Variants in ARHGAP15 observed in about 807,000 individuals in gnomAD.
ARHGAP15 encodes Rho GTPase activating protein 15.
ARHGAP15 carries 51 observed loss-of-function variants against 63.7 expected under a neutral mutation model. The ratio of observed to expected loss-of-function variants is 0.80; its 90% confidence interval spans 0.64 to 1.01. The LOEUF is 1.01. ARHGAP15 is among the 50% of genes least tolerant of loss of function. ARHGAP15 has a pLI of 0.00. For synonymous variants in ARHGAP15, 191 were observed against 193.8 expected, an observed-to-expected ratio of 0.99 and a Z score of 0.12; for missense variants, 560 against 564.6, an observed-to-expected ratio of 0.99 and a Z score of 0.08.
At chr2:143,628,701 G>A (rs1698941449) in intron 12 of ARHGAP15, among the ~76,000 whole-genome samples, 1 of 152,000 alleles carries the variant, frequency 6.6e-6, no homozygotes, top group Non-Finnish European at 1.5e-5. Context: ...CTACTTTCTT[G>A]GTTACTCCAC....
At chr2:143,502,790 G>A in intron 9 of ARHGAP15, among the ~76,000 whole-genome samples, 1 of 152,116 alleles carries the variant, frequency 6.6e-6, no homozygotes, top group East Asian at 1.9e-4. Context: ...ATGTTGGCCA[G>A]GCTGGTCTCG....
intron 11 of ARHGAP15, among the ~76,000 whole-genome samples, chr2:143,574,181 T>A (rs1408011767): frequency 1.3e-5 from 2 of 152,056 alleles, no homozygotes; most frequent in Non-Finnish European, 2.9e-5. Context: ...CTCACACACA[T>A]CCCTTAGAGT....
chr2:143,344,440 G>T (rs1002655001), intron 6 of ARHGAP15, among the ~76,000 whole-genome samples: 1 of 151,986 alleles, frequency 6.6e-6, no homozygotes, highest in African/African-American at 2.4e-5. Context: ...TAAAAGTTTA[G>T]GTAGCAGTAT....
chr2:143,585,165 G>A (rs1395178632), intron 11 of ARHGAP15, among the ~76,000 whole-genome samples: 1 of 152,100 alleles, frequency 6.6e-6, no homozygotes, highest in Non-Finnish European at 1.5e-5. Flanking sequence ...GATTTTCTCA[G>A]CTCCATGCCG....
intron 8 of ARHGAP15, among the ~76,000 whole-genome samples, chr2:143,479,914 A>G (rs906628050): frequency 6.6e-6 from 1 of 152,056 alleles, no homozygotes; most frequent in Non-Finnish European, 1.5e-5. Flanking sequence ...ATAAAAGGAA[A>G]CCAGATAAAT....
intron 6 of ARHGAP15, among the ~76,000 whole-genome samples, chr2:143,285,635 AAAG>A (rs1682057048): frequency 6.6e-6 from 1 of 152,174 alleles, no homozygotes; most frequent in Non-Finnish European, 1.5e-5. Context: ...TATTTTGTGA[AAAG>A]AGGATACATA....
chr2:143,385,913 C>T (rs1687269322), intron 6 of ARHGAP15, among the ~76,000 whole-genome samples: 1 of 152,116 alleles, frequency 6.6e-6, no homozygotes, highest in South Asian at 2.1e-4. Flanking sequence ...AAAAGGCCAT[C>T]TCAGACTCTA....
intron 6 of ARHGAP15, among the ~76,000 whole-genome samples, chr2:143,420,616 C>G (rs1262729163): frequency 6.6e-6 from 1 of 152,082 alleles, no homozygotes. Context: ...GGTAATTTAC[C>G]AAGAAGTCTT....
intron 6 of ARHGAP15, among the ~76,000 whole-genome samples, chr2:143,382,100 CCCTTTCCTTCCTT>C: frequency 3.7e-5 from 1 of 26,944 alleles, no homozygotes; most frequent in African/African-American, 2.3e-4. Context: ...CTTCCTCCCT[CCCTTTCCTTCCTT>C]CCTCCCTCCC....
chr2:143,231,958 G>T (rs192339970), intron 5 of ARHGAP15, among the ~76,000 whole-genome samples: 10 of 152,250 alleles, frequency 6.6e-5, no homozygotes, highest in African/African-American at 2.2e-4. Context: ...ACCTCCCAAA[G>T]GCCCTACCTC....
At chr2:143,457,409 G>A (rs1690711574) in intron 8 of ARHGAP15, among the ~76,000 whole-genome samples, 1 of 151,866 alleles carries the variant, frequency 6.6e-6, no homozygotes, top group Admixed American at 6.6e-5. Context: ...AGCTGGACAT[G>A]GTAGCATGCA....
intron 9 of ARHGAP15, chr2:143,519,050 G>A (rs1363189044): frequency 2.5e-6 from 1 of 398,698 alleles, no homozygotes; most frequent in Non-Finnish European, 4.7e-6. Context: ...ATCGATGCCT[G>A]AGCGTCAGTT....
chr2:143,361,632 G>A (rs529064149), intron 6 of ARHGAP15, among the ~76,000 whole-genome samples: 1 of 152,016 alleles, frequency 6.6e-6, no homozygotes, highest in East Asian at 1.9e-4. Flanking sequence ...TAAAAATAGT[G>A]TCCATCTTTA....
intron 2 of ARHGAP15, among the ~76,000 whole-genome samples, chr2:143,168,223 G>A (rs895414454): frequency 6.6e-6 from 1 of 151,972 alleles, no homozygotes; most frequent in South Asian, 2.1e-4. Context: ...GAGGGTAGTG[G>A]TGCAGTGGCA....
At chr2:143,160,297 ATC>A (rs1322354868) in intron 2 of ARHGAP15, among the ~76,000 whole-genome samples, 1 of 151,960 alleles carries the variant, frequency 6.6e-6, no homozygotes, top group Non-Finnish European at 1.5e-5. Context: ...CTTCAGTTAA[ATC>A]TCTCTTATCT....
At chr2:143,309,174 C>T (rs551533928) in intron 6 of ARHGAP15, among the ~76,000 whole-genome samples, 104 of 152,116 alleles carry the variant, frequency 6.8e-4, no homozygotes, top group Non-Finnish European at 1.1e-3. Context: ...TGGAATCAAC[C>T]TTTTCCCTTC....
intron 3 of ARHGAP15, among the ~76,000 whole-genome samples, chr2:143,202,893 G>A (rs904712531): frequency 2.6e-5 from 4 of 151,964 alleles, no homozygotes; most frequent in African/African-American, 9.7e-5. Flanking sequence ...CTGAAATATT[G>A]TAAATAACAT....
At chr2:143,232,345 A>G (rs1399207791) in intron 5 of ARHGAP15, among the ~76,000 whole-genome samples, 1 of 152,172 alleles carries the variant, frequency 6.6e-6, no homozygotes, top group East Asian at 1.9e-4. Context: ...TATTTGCCTA[A>G]CATACTCTCT....
At chr2:143,543,439 C>T (rs1695192003) in intron 10 of ARHGAP15, among the ~76,000 whole-genome samples, 1 of 151,932 alleles carries the variant, frequency 6.6e-6, no homozygotes, top group African/African-American at 2.4e-5. Flanking sequence ...GTACCTTATA[C>T]ATTCTGATGT....
Sources: allele counts gnomAD v4.1 joint callset (sites outside exome capture counted in the v4.1 genomes callset), GRCh38; gene constraint gnomAD v4.1.1; transcripts MANE v1.5; gene names NCBI Gene and HGNC (gene_info 2026-07-23, HGNC 2026-07-21).